The following MDGA2 variants were observed in gnomAD, a reference collection of about 807,000 sequenced individuals.
MDGA2 encodes the protein MAM domain containing glycosylphosphatidylinositol anchor 2.
MDGA2 carries 40 observed loss-of-function variants against 117.8 expected under a neutral mutation model. The observed-to-expected ratio is 0.34, with a 90% CI of 0.26 to 0.44. MDGA2 has a LOEUF of 0.44. Among genes scored for constraint, MDGA2 ranks in the 20% least tolerant of loss-of-function variants. The probability of loss-of-function intolerance (pLI) is 1.00; values close to 1 mark genes in which losing one functional copy is unlikely to be tolerated. For synonymous variants in MDGA2, 452 were observed against 439.0 expected (o/e 1.03, Z -0.37); for missense variants, 1,123 against 1,250.6 (o/e 0.90, Z 1.54).
At chr14:47,239,080 T>C (rs1372268203) in intron 2 of MDGA2, among the ~76,000 whole-genome samples, 1 of 151,582 alleles carries the variant, frequency 6.6e-6, no homozygotes, top group South Asian at 2.1e-4. Context: ...CAAACGTAAA[T>C]TATCTTCCAC....
chr14:47,190,042 C>T (rs937927923), intron 3 of MDGA2, among the ~76,000 whole-genome samples: 4 of 152,172 alleles, frequency 2.6e-5, no homozygotes, highest in African/African-American at 4.8e-5. Context: ...GTGGTAGCAT[C>T]TTACAGAAGT....
rs140599895 is a variant in MDGA2 at position 47,335,053 on chromosome 14, C to T, written c.281-33503G>A. On this transcript the variant is annotated intron_variant, in intron 1 of 16. Transcript: ENST00000399232. Reference sequence around the variant, plus strand: ...GCTATCCATGAACCAACAGCATGCACTTTATGTATCTTTCCTTATTTAATT... The same window carrying T: ...GCTATCCATGAACCAACAGCATGCATTTTATGTATCTTTCCTTATTTAATT... 1.2e-3 allele frequency among the ~76,000 whole-genome samples: 180 copies of T among 151,844 alleles called. 2 individuals are homozygous for T. The East Asian group carries it at 0.016, about 14-fold the overall frequency.
intron 1 of MDGA2, among the ~76,000 whole-genome samples, chr14:47,391,305 T>A (rs1328188068): frequency 6.6e-6 from 1 of 152,220 alleles, no homozygotes; most frequent in African/African-American, 2.4e-5. Flanking sequence ...GCTCCAGAAT[T>A]TCTGCTCATG....
At chr14:47,163,001 G>C (rs144922789) in intron 3 of MDGA2, among the ~76,000 whole-genome samples, 5 of 152,240 alleles carry the variant, frequency 3.3e-5, no homozygotes, top group African/African-American at 1.2e-4. Flanking sequence ...GCTGTTCTAT[G>C]TTTCATTGGG....
chr14:46,867,983 C>G (rs1366556813), intron 14 of MDGA2, among the ~76,000 whole-genome samples: 1 of 151,710 alleles, frequency 6.6e-6, no homozygotes, highest in Non-Finnish European at 1.5e-5. Flanking sequence ...TATTTCCAAA[C>G]TAAACTGCAT....
intron 1 of MDGA2, among the ~76,000 whole-genome samples, chr14:47,633,864 T>G (rs1310070777): frequency 6.6e-6 from 1 of 152,060 alleles, no homozygotes; most frequent in Non-Finnish European, 1.5e-5. Context: ...GGATCCTGAG[T>G]TTTGTAACAT....
intron 1 of MDGA2, among the ~76,000 whole-genome samples, chr14:47,535,954 C>A (rs1411490336): frequency 6.6e-6 from 1 of 152,234 alleles, no homozygotes; most frequent in Non-Finnish European, 1.5e-5. Context: ...GAGGGCTTCA[C>A]ATGTCTCTTT....
chr14:47,667,746 G>A (rs375661949), intron 1 of MDGA2, among the ~76,000 whole-genome samples: 69 of 152,266 alleles, frequency 4.5e-4, no homozygotes, highest in South Asian at 1.2e-3. Context: ...TCCTCTTTCA[G>A]GAAGATGTGT....
chr14:47,382,711 C>G (rs1891664088), intron 1 of MDGA2, among the ~76,000 whole-genome samples: 1 of 152,126 alleles, frequency 6.6e-6, no homozygotes, highest in Non-Finnish European at 1.5e-5. Context: ...ACAACAGGTG[C>G]TGGAGAGGAT....
chr14:47,255,033 C>A (rs188570864), intron 2 of MDGA2, among the ~76,000 whole-genome samples: 1 of 152,292 alleles, frequency 6.6e-6, no homozygotes, highest in Non-Finnish European at 1.5e-5. Context: ...TACCTCCCAT[C>A]GGGTTCCCTC....
intron 2 of MDGA2, among the ~76,000 whole-genome samples, chr14:47,228,162 A>C (rs1886571750): frequency 6.6e-6 from 1 of 152,132 alleles, no homozygotes; most frequent in Non-Finnish European, 1.5e-5. Flanking sequence ...TATTTATCTT[A>C]GTTATAAAAA....
At chr14:46,969,106 T>C (rs1410389466) in intron 8 of MDGA2, among the ~76,000 whole-genome samples, 1 of 152,216 alleles carries the variant, frequency 6.6e-6, no homozygotes, top group Non-Finnish European at 1.5e-5. Context: ...TGCATGGTAT[T>C]CCATGGTGTA....
chr14:47,293,790 T>C (rs1888969297), intron 2 of MDGA2, among the ~76,000 whole-genome samples: 1 of 152,162 alleles, frequency 6.6e-6, no homozygotes, highest in South Asian at 2.1e-4. Flanking sequence ...AAATAACTTT[T>C]CTTGAGAATT....
chr14:47,125,530 G>T (rs1383366586), intron 5 of MDGA2, among the ~76,000 whole-genome samples: 2 of 151,290 alleles, frequency 1.3e-5, no homozygotes, highest in Non-Finnish European at 2.9e-5. Context: ...GACGTTTCTT[G>T]ACCTCTATCT....
intron 8 of MDGA2, among the ~76,000 whole-genome samples, chr14:47,020,279 A>C (rs1186932369): frequency 6.6e-6 from 1 of 152,242 alleles, no homozygotes; most frequent in Non-Finnish European, 1.5e-5. Flanking sequence ...TTGTAAGATC[A>C]AGATCAGATG....
chr14:47,215,141 A>G (rs1886039044), intron 3 of MDGA2, among the ~76,000 whole-genome samples: 1 of 152,108 alleles, frequency 6.6e-6, no homozygotes, highest in African/African-American at 2.4e-5. Flanking sequence ...ACAGAAACCT[A>G]CAATGCAGTG....
chr14:47,136,700 A>G (rs193120089), intron 4 of MDGA2, among the ~76,000 whole-genome samples: 7 of 152,288 alleles, frequency 4.6e-5, no homozygotes, highest in Non-Finnish European at 8.8e-5. Flanking sequence ...TAATGAGATC[A>G]CTTCAAATTC....
At chr14:46,865,545 A>C (rs1881719026) in intron 14 of MDGA2, among the ~76,000 whole-genome samples, 1 of 152,156 alleles carries the variant, frequency 6.6e-6, no homozygotes, top group Non-Finnish European at 1.5e-5. Flanking sequence ...GGCCAGGGCA[A>C]TTAGGCAGGA....
At chr14:47,004,932 C>G (rs1235353881) in intron 8 of MDGA2, among the ~76,000 whole-genome samples, 1 of 151,478 alleles carries the variant, frequency 6.6e-6, no homozygotes, top group East Asian at 1.9e-4. Flanking sequence ...GGGTGAATTA[C>G]AATTAATTTT....
Sources: allele counts gnomAD v4.1 joint callset (sites outside exome capture counted in the v4.1 genomes callset), GRCh38; gene constraint gnomAD v4.1.1; transcripts MANE v1.5; gene names NCBI Gene and HGNC (gene_info 2026-07-23, HGNC 2026-07-21).